CCDC61: variants seen among roughly 807,000 people sequenced by gnomAD.
The protein encoded by CCDC61 is centrosomal protein CCDC61.
CCDC61 carries 55 observed loss-of-function variants against 63.0 expected under a neutral mutation model. That is an observed-to-expected ratio of 0.87 (90% CI 0.70 to 1.09). The LOEUF (loss-of-function observed/expected upper bound fraction) is 1.09. CCDC61 is among the 50% of genes least tolerant of loss of function. The pLI is 0.00. For synonymous variants in CCDC61, 270 were observed against 317.0 expected (o/e 0.85, Z 1.58); for missense variants, 651 against 731.4 (o/e 0.89, Z 1.27).
Position 46,003,062 on chromosome 19 carries a change from G to A in CCDC61, c.44G>A (p.Gly15Asp), listed in dbSNP as rs1442262048. 5.0e-6 allele frequency: 8 copies of A among 1,600,676 alleles called. No homozygotes were observed. Among genetic ancestry groups the A allele is most frequent in the Non-Finnish European group, 6.8e-6 (8 of 1,173,858 alleles). ...AGLQVDYVFR[G>D]VEHAVRVMVS... ...CTGCAGGTGGACTACGTCTTCCGGG[G>A]TGTGGAGCATGCCGTGCGGGTGATG... The change falls in exon 2 of 14, where the codon GGT becomes GAT. Residue 15 changes from glycine (G) to aspartate (D), a missense_variant. Transcript: ENST00000595358.
intron 11 of CCDC61, 81 bp from the exon 12 acceptor site, chr19:46,017,166 G>T: frequency 3.3e-6 from 5 of 1,531,310 alleles, no homozygotes; most frequent in Non-Finnish European, 4.4e-6. Flanking sequence ...GAGCCTGGGG[G>T]CCTTGAAACC....
intron 12 of CCDC61, among the ~76,000 whole-genome samples, chr19:46,017,586 G>A (rs1471216824): frequency 2.7e-5 from 4 of 149,108 alleles, no homozygotes; most frequent in Non-Finnish European, 4.5e-5. Flanking sequence ...ATAAGGGGGT[G>A]GTATTGTCTC....
Position 46,017,072 on chromosome 19 carries a change from A to T in CCDC61, c.1310+3A>T. Reference sequence around the variant, plus strand: ...TTCTCTGAGTCGCTCTCCAGAGGGTAAAACTTGAACTTGGGAAAAGGATCG... The same window carrying T: ...TTCTCTGAGTCGCTCTCCAGAGGGTTAAACTTGAACTTGGGAAAAGGATCG... On this transcript the variant is annotated splice_donor_region_variant and intron_variant, in intron 11 of 13. Transcript: ENST00000595358. 6.2e-7 allele frequency: 1 copy of T among 1,611,474 alleles called. No homozygotes were observed. The highest frequency in any genetic ancestry group is 1.1e-5 in the South Asian group (1 of 90,314).
chr19:46,008,335 T>TTGGGGGGGGGGGGGGGGGGGGGGGGGG, intron 5 of CCDC61, 34 bp downstream of exon 5: 1 of 499,170 alleles, frequency 2.0e-6, no homozygotes. Context: ...CTGGGGCGGG[T>TTGGGGGGGGGGGGGGGGGGGGGGGGGG]GGGGGCCCTC....
In CCDC61 at chr19:46,016,372, A is replaced by ACT. The variant is rs1352756797; in HGVS notation, c.1070_1071insCT (p.Lys357AsnfsTer8). The ACT allele has an allele frequency of 1.2e-6, 2 of 1,613,944 alleles. No individual in the cohort carries two copies. Among genetic ancestry groups the ACT allele is most frequent in the Non-Finnish European group, 1.7e-6 (2 of 1,179,852 alleles). The stretch of plus-strand genomic sequence containing the variant: ...GCCTTTGTGAAAGCCAAGGAAAGGA[A>ACT]GCAGAGAGAGATCCAGATGAAGTCA... On this transcript the variant is annotated frameshift_variant, in exon 9 of 14. Transcript: ENST00000595358. LOFTEE classifies it high-confidence loss of function. The surrounding 1 kb of genome is among the most constrained non-coding windows in gnomAD (Gnocchi z 7.2).
Position 46,016,455 on chromosome 19 carries a change from C to A in CCDC61, c.1091+62C>A. The A allele has an allele frequency of 6.4e-7, 1 of 1,562,840 alleles. No homozygotes were observed. The highest frequency in any genetic ancestry group is 1.1e-5 in the South Asian group (1 of 89,506). The stretch of plus-strand genomic sequence containing the variant: ...TGGCCCGTGCCCGCTCCCGGGCTCT[C>A]ATCTCTCCACGCCACCATCAGTCTC... On this transcript the variant is annotated intron_variant, in intron 9 of 13. Transcript: ENST00000595358. The surrounding 1 kb of genome is among the most constrained non-coding windows in gnomAD (Gnocchi z 7.2).
chr19:45,995,774 A>G (rs930228), intron 1 of CCDC61, among the ~76,000 whole-genome samples: 10,676 of 152,084 alleles, frequency 0.07, 735 homozygotes, highest in African/African-American at 0.16. Context: ...ATGGTAAAAT[A>G]TAGAGACGTC....
chr19:46,005,377 T>C (rs1031373760), intron 3 of CCDC61, among the ~76,000 whole-genome samples: 4 of 152,208 alleles, frequency 2.6e-5, no homozygotes, highest in Admixed American at 2.6e-4. Flanking sequence ...GTGAACTTTT[T>C]GTATTGTTAC....
intron 3 of CCDC61, among the ~76,000 whole-genome samples, chr19:46,005,024 AT>A (rs201981224): frequency 2.0e-5 from 3 of 149,056 alleles, no homozygotes; most frequent in Admixed American, 6.7e-5. Flanking sequence ...TTATTTATTT[AT>A]TTTTTTTGAG....
chr19:46,005,344 A>G (rs1968686251), intron 3 of CCDC61, among the ~76,000 whole-genome samples: 1 of 152,178 alleles, frequency 6.6e-6, no homozygotes, highest in African/African-American at 2.4e-5. Flanking sequence ...GTTAGTTGCA[A>G]TGTGGAATCT....
chr19:46,016,944 G>A lies in CCDC61; in HGVS notation c.1232-47G>A. On this transcript the variant is annotated intron_variant, in intron 10 of 13. Transcript: ENST00000595358. This position sits in a 1 kb window ranked among gnomAD's most constrained non-coding sequence, Gnocchi z 7.2. Reference sequence around the variant, plus strand: ...GGCTGGGAGGGCCTGGGAAGCACTGGGCGGGGCCAGCGAGGGCCAGCGGTC... The same window carrying A: ...GGCTGGGAGGGCCTGGGAAGCACTGAGCGGGGCCAGCGAGGGCCAGCGGTC... The A allele has an allele frequency of 6.4e-7, 1 of 1,566,270 alleles. No individual in the cohort carries two copies. Among genetic ancestry groups the A allele is most frequent in the Non-Finnish European group, 8.6e-7 (1 of 1,156,572 alleles).
In CCDC61 at chr19:46,015,655, G is replaced by T. The variant is rs1322658221; in HGVS notation, c.845+228G>T. Among the ~76,000 whole-genome samples, 1 of 152,160 alleles carries T rather than the reference G, an allele frequency of 6.6e-6. No homozygotes were observed. The highest frequency in any genetic ancestry group is 6.5e-5 in the Admixed American group (1 of 15,280). Reference sequence around the variant, plus strand: ...CGGAGATGCGCAGGCTTGGGGCGGCGTTCAGGAGGGACTGGGAAAGGGATC... The same window carrying T: ...CGGAGATGCGCAGGCTTGGGGCGGCTTTCAGGAGGGACTGGGAAAGGGATC... On this transcript the variant is annotated intron_variant, in intron 7 of 13. Coordinates refer to ENST00000595358, the MANE Select transcript of CCDC61 (RefSeq NM_001267723.2). This position sits in a 1 kb window ranked among gnomAD's most constrained non-coding sequence, Gnocchi z 5.3.
intron 4 of CCDC61, among the ~76,000 whole-genome samples, chr19:46,007,755 C>T (rs1359693758): frequency 2.0e-5 from 3 of 152,180 alleles, no homozygotes; most frequent in East Asian, 3.8e-4. Flanking sequence ...GCTCACCTTT[C>T]CCCAGCCAAG....
rs7895 is a variant in CCDC61 at position 46,015,393 on chromosome 19, A to G, written c.811A>G (p.Thr271Ala). The change falls in exon 7 of 14, where the codon ACG becomes GCG. Residue 271 changes from threonine to alanine, a missense_variant. Transcript: ENST00000595358. This position sits in a 1 kb window ranked among gnomAD's most constrained non-coding sequence, Gnocchi z 5.3. Reference protein sequence around the residue: ...SERSLRARLKTLTSELALYKR... With the variant: ...SERSLRARLKALTSELALYKR... ...GCGGAGCCTGCGCGCCCGGCTGAAG[A>G]CGCTGACCAGCGAGCTGGCATTGTA... 221,226 of 1,601,854 alleles carry G rather than the reference A, an allele frequency of 0.14. 16,228 individuals are homozygous for G. The highest frequency in any genetic ancestry group is 0.19 in the South Asian group (17,283 of 90,594).
At chr19:46,003,532 A>AG (rs766838398) in intron 3 of CCDC61, 31 bp downstream of exon 3, 4 of 792,822 alleles carry the variant, frequency 5.0e-6, no homozygotes, top group Admixed American at 2.0e-5. Flanking sequence ...TTGGGGTGGG[A>AG]GGGGGGTTCT....
At chr19:46,014,989 T>A in intron 5 of CCDC61, 60 bp from the exon 6 acceptor site, 1 of 1,348,794 alleles carries the variant, frequency 7.4e-7, no homozygotes, top group Non-Finnish European at 1.0e-6. Context: ...CCCACCCCCA[T>A]GGAGTAGTGG....
In CCDC61 at chr19:46,015,724, T is replaced by G. The variant is rs1005188592; in HGVS notation, c.845+297T>G. Among the ~76,000 whole-genome samples, 2 of 151,746 alleles carry G rather than the reference T, an allele frequency of 1.3e-5. No homozygotes were observed. Among genetic ancestry groups the G allele is most frequent in the African/African-American group, 2.4e-5 (1 of 41,266 alleles). ...GTGCGAAAGGGTGCGGCGCAGCAGG[T>G]GGGATCAGGGTGAGGTCCGCTGGCA... On this transcript the variant is annotated intron_variant, in intron 7 of 13. Transcript: ENST00000595358. The surrounding 1 kb of genome is among the most constrained non-coding windows in gnomAD (Gnocchi z 5.3).
chr19:45,999,964 C>T, intron 1 of CCDC61: 1 of 947,864 alleles, frequency 1.1e-6, no homozygotes, highest in African/African-American at 1.8e-5. Flanking sequence ...GAGGCAGAGG[C>T]TGAGAAGAGG....
chr19:46,011,607 A>G (rs1968829969), intron 5 of CCDC61, among the ~76,000 whole-genome samples: 1 of 152,134 alleles, frequency 6.6e-6, no homozygotes, highest in Non-Finnish European at 1.5e-5. Flanking sequence ...GTTTAATCAC[A>G]TGTGGGGTAG....
Sources: gnomAD v4.1 joint callset for allele counts (sites outside exome capture counted in the v4.1 genomes callset) on GRCh38, gnomAD v4.1.1 for gene constraint, Gnocchi (gnomAD v3.1) non-coding constraint, MANE v1.5 for transcripts, NCBI Gene and HGNC (gene_info 2026-07-23, HGNC 2026-07-21) for gene names.